The following RPS6KC1 variants were observed in gnomAD, a reference collection of about 807,000 sequenced individuals.
The protein encoded by RPS6KC1 is ribosomal protein S6 kinase C1, also known as inactive ribosomal protein S6 kinase delta-1.
Under a neutral mutation model 103.8 loss-of-function variants are expected in RPS6KC1, and 54 were observed. The ratio of observed to expected loss-of-function variants is 0.52; its 90% CI spans 0.42 to 0.65. The LOEUF (loss-of-function observed/expected upper bound fraction) is 0.65, where lower values mean the gene tolerates loss of function less well. Ranked by LOEUF, RPS6KC1 falls within the 30% of genes least tolerant of loss-of-function variation. The pLI, the probability that RPS6KC1 is intolerant of heterozygous loss-of-function variation, is 0.00. For synonymous variants in RPS6KC1, 439 were observed against 438.7 expected, an observed-to-expected ratio of 1.00 and a Z score of -0.01; for missense variants, 1,151 against 1,253.8, an observed-to-expected ratio of 0.92 and a Z score of 1.24.
intron 14 of RPS6KC1, among the ~76,000 whole-genome samples, chr1:213,264,890 G>C (rs1385783452): frequency 2.0e-5 from 3 of 152,010 alleles, no homozygotes; most frequent in Admixed American, 2.0e-4. Context: ...TGTACCCCTG[G>C]TTCAGTTATC....
intron 8 of RPS6KC1, among the ~76,000 whole-genome samples, chr1:213,218,602 A>C (rs930353414): frequency 3.2e-4 from 49 of 152,102 alleles, no homozygotes; most frequent in Admixed American, 1.1e-3. Flanking sequence ...GAGGCATCAC[A>C]CTACCTGACT....
chr1:213,723,241 A>G, the RPS6KC1 span, among the ~76,000 whole-genome samples: 5 of 152,214 alleles, frequency 3.3e-5, no homozygotes, highest in African/African-American at 1.2e-4. Flanking sequence ...TAGTGCTTCA[A>G]ACTAATGAAA....
At chr1:213,404,267 G>A in the RPS6KC1 span, among the ~76,000 whole-genome samples, 5 of 152,282 alleles carry the variant, frequency 3.3e-5, no homozygotes, top group Non-Finnish European at 5.9e-5. Flanking sequence ...TTCTGTTGAA[G>A]GAAGTTCTTT....
the RPS6KC1 span, among the ~76,000 whole-genome samples, chr1:213,324,593 C>CTTTTTTTTTTTTT: frequency 9.8e-5 from 8 of 81,824 alleles, no homozygotes; most frequent in African/African-American, 3.2e-4. Flanking sequence ...GCTCGATATG[C>CTTTTTTTTTTTTT]TTTTTTTTTT....
chr1:213,525,099 G>T, the RPS6KC1 span, among the ~76,000 whole-genome samples: 1 of 152,206 alleles, frequency 6.6e-6, no homozygotes, highest in East Asian at 1.9e-4. Flanking sequence ...CTGAGCTAAA[G>T]ATTCCTCTGG....
At chr1:213,770,005 G>C in the RPS6KC1 span, among the ~76,000 whole-genome samples, 13 of 152,218 alleles carry the variant, frequency 8.5e-5, no homozygotes, top group African/African-American at 3.1e-4. Flanking sequence ...TCCAACACTG[G>C]GGAGCCAGGG....
chr1:213,406,562 A>G, the RPS6KC1 span, among the ~76,000 whole-genome samples: 1 of 152,066 alleles, frequency 6.6e-6, no homozygotes, highest in African/African-American at 2.4e-5. Context: ...TCCTTGTTTT[A>G]TCACCCCTAG....
At chr1:213,617,419 G>A in the RPS6KC1 span, among the ~76,000 whole-genome samples, 9,923 of 152,226 alleles carry the variant, frequency 0.065, 620 homozygotes, top group East Asian at 0.28. Context: ...GGAAGGAGGG[G>A]CATCAACCTG....
chr1:213,535,846 T>C, the RPS6KC1 span, among the ~76,000 whole-genome samples: 1 of 152,102 alleles, frequency 6.6e-6, no homozygotes, highest in Admixed American at 6.6e-5. Flanking sequence ...TAGGATCAGG[T>C]CACATGCTCA....
the RPS6KC1 span, among the ~76,000 whole-genome samples, chr1:213,703,403 TA>T: frequency 6.6e-6 from 1 of 152,204 alleles, no homozygotes; most frequent in Admixed American, 6.5e-5. Flanking sequence ...GTTACAGTGT[TA>T]TAACATTCTA....
At chr1:213,601,433 T>G in the RPS6KC1 span, among the ~76,000 whole-genome samples, 1 of 148,046 alleles carries the variant, frequency 6.8e-6, no homozygotes, top group African/African-American at 2.5e-5. Context: ...TATATATTCA[T>G]AAATATATAT....
chr1:213,551,727 C>T, the RPS6KC1 span, among the ~76,000 whole-genome samples: 850 of 152,234 alleles, frequency 5.6e-3, 4 homozygotes, highest in African/African-American at 0.02. Context: ...CAAAGTCCAT[C>T]GTTTACGCCG....
At chr1:213,843,102 T>C in the RPS6KC1 span, among the ~76,000 whole-genome samples, 4 of 152,204 alleles carry the variant, frequency 2.6e-5, no homozygotes, top group African/African-American at 7.2e-5. Flanking sequence ...AGGGTTTCCA[T>C]GTTGCAGTCT....
At chr1:213,824,875 T>C in the RPS6KC1 span, among the ~76,000 whole-genome samples, 2 of 152,204 alleles carry the variant, frequency 1.3e-5, no homozygotes, top group Non-Finnish European at 2.9e-5. Context: ...AACTAATACA[T>C]GCATTGATGC....
the RPS6KC1 span, among the ~76,000 whole-genome samples, chr1:213,736,907 G>C: frequency 6.6e-6 from 1 of 152,170 alleles, no homozygotes; most frequent in Non-Finnish European, 1.5e-5. Flanking sequence ...AACCTAAAAG[G>C]TTTCATCCAG....
chr1:213,079,094 C>T (rs1047207413), intron 3 of RPS6KC1, among the ~76,000 whole-genome samples: 3 of 151,990 alleles, frequency 2.0e-5, no homozygotes, highest in Non-Finnish European at 4.4e-5. Context: ...TTTTATATGA[C>T]AGTATATTAT....
the RPS6KC1 span, among the ~76,000 whole-genome samples, chr1:213,463,779 G>C: frequency 2.6e-5 from 4 of 152,180 alleles, no homozygotes; most frequent in African/African-American, 9.6e-5. Flanking sequence ...AATCACTCTG[G>C]CAACTATTAA....
chr1:213,313,739 C>T, the RPS6KC1 span, among the ~76,000 whole-genome samples: 1 of 152,084 alleles, frequency 6.6e-6, no homozygotes, highest in African/African-American at 2.4e-5. Context: ...CCAAGGCGGG[C>T]GGATCACCAG....
chr1:213,633,302 G>C, the RPS6KC1 span, among the ~76,000 whole-genome samples: 1 of 152,138 alleles, frequency 6.6e-6, no homozygotes, highest in African/African-American at 2.4e-5. Flanking sequence ...CAGAGAGAAA[G>C]GTCAGGTTAC....
Sources: gnomAD v4.1 joint callset for allele counts (sites outside exome capture counted in the v4.1 genomes callset) on GRCh38, gnomAD v4.1.1 for gene constraint, MANE v1.5 for transcripts, NCBI Gene and HGNC (gene_info 2026-07-23, HGNC 2026-07-21) for gene names.